The following SOCS2 variants were observed in gnomAD, a reference collection of about 807,000 sequenced individuals.
SOCS2 encodes the protein suppressor of cytokine signaling 2, also known as CIS-2.
A neutral mutation model predicts 18.6 loss-of-function variants in SOCS2; 10 were observed. That is an observed-to-expected ratio of 0.54 (90% CI 0.33 to 0.91). The LOEUF (loss-of-function observed/expected upper bound fraction) is 0.91. Among genes scored for constraint, SOCS2 ranks in the 40% least tolerant of loss-of-function variants. The pLI, the probability that SOCS2 is intolerant of heterozygous loss-of-function variation, is 0.02. For synonymous variants in SOCS2, 104 were observed against 104.0 expected (o/e 1.00, Z 0.00); for missense variants, 231 against 247.2 (o/e 0.93, Z 0.44).
the SOCS2 span, among the ~76,000 whole-genome samples, chr12:93,616,713 G>A: frequency 3.3e-5 from 5 of 152,110 alleles, no homozygotes; most frequent in Admixed American, 6.6e-5. Context: ...GACGTGCTCC[G>A]GGGACAAGTG....
the SOCS2 span, among the ~76,000 whole-genome samples, chr12:93,621,104 C>T: frequency 6.6e-6 from 1 of 152,046 alleles, no homozygotes; most frequent in Non-Finnish European, 1.5e-5. Context: ...TGAGCATATA[C>T]GTCCTCGTGA....
chr12:93,617,860 G>A, the SOCS2 span, among the ~76,000 whole-genome samples: 1 of 152,018 alleles, frequency 6.6e-6, no homozygotes, highest in African/African-American at 2.4e-5. Flanking sequence ...TAGTAACTCC[G>A]GCCTGGACAG....
the SOCS2 span, among the ~76,000 whole-genome samples, chr12:93,609,168 A>G: frequency 0.015 from 2,309 of 152,220 alleles, 72 homozygotes; most frequent in African/African-American, 0.053. Context: ...GAGGCAGGCA[A>G]ATCACCTGAG....
At chr12:93,614,476 TTCCTTTCC>T in the SOCS2 span, among the ~76,000 whole-genome samples, 107 of 77,486 alleles carry the variant, frequency 1.4e-3, 3 homozygotes, top group East Asian at 7.4e-3. Flanking sequence ...CCTTCCTTCC[TTCCTTTCC>T]TTCCTTCCTT....
chr12:93,578,773 A>T (rs1008179589), downstream of SOCS2, among the ~76,000 whole-genome samples: 3 of 152,072 alleles, frequency 2.0e-5, no homozygotes, highest in African/African-American at 7.2e-5. Context: ...TTTTAGTCTT[A>T]GGATTACTAT....
At position 93,574,864 on chromosome 12, in the gene SOCS2, T is replaced by C; in HGVS notation, c.282T>C (p.Asn94=). Residue 94 remains asparagine (N), a synonymous_variant, in exon 2 of 2, where the codon AAT becomes AAC. Coordinates refer to ENST00000551556, the MANE Select transcript of SOCS2 (RefSeq NM_001270471.2). The part of the protein sequence containing the change: ...ISVKTSAGPT[N]LRIEYQDGKF... ...TTAAAACATCAGCTGGACCAACTAA[T>C]CTTCGAATCGAATACCAAGACGGAA... The C allele has an allele frequency of 1.2e-6, 2 of 1,614,226 alleles. No homozygotes were observed. Among genetic ancestry groups the C allele is most frequent in the Non-Finnish European group, 1.7e-6 (2 of 1,180,040 alleles).
At chr12:93,571,063 G>T (rs1954233865), upstream of SOCS2, 1 of 154,344 alleles carries the variant, frequency 6.5e-6, no homozygotes, top group Admixed American at 6.5e-5. Flanking sequence ...TCTCGTCGCA[G>T]CCGCCGCGGC....
chr12:93,621,223 T>C, the SOCS2 span, among the ~76,000 whole-genome samples: 1 of 152,242 alleles, frequency 6.6e-6, no homozygotes, highest in Non-Finnish European at 1.5e-5. Flanking sequence ...TGACAACTTT[T>C]GTTAGTATTT....
the SOCS2 span, among the ~76,000 whole-genome samples, chr12:93,596,568 C>G: frequency 6.6e-6 from 1 of 152,190 alleles, no homozygotes; most frequent in Non-Finnish European, 1.5e-5. Flanking sequence ...TGACTCACAC[C>G]TGTAATCCCA....
the SOCS2 span, among the ~76,000 whole-genome samples, chr12:93,590,146 G>A: frequency 6.6e-6 from 1 of 151,976 alleles, no homozygotes; most frequent in Admixed American, 6.6e-5. Context: ...CAGCTACTCA[G>A]GAGGCTTGAA....
chr12:93,579,081 G>C (rs1954503918), downstream of SOCS2, among the ~76,000 whole-genome samples: 1 of 152,190 alleles, frequency 6.6e-6, no homozygotes. Flanking sequence ...CATCCATGCT[G>C]TTTGATGATC....
the SOCS2 span, among the ~76,000 whole-genome samples, chr12:93,597,883 C>G: frequency 6.6e-6 from 1 of 152,194 alleles, no homozygotes. Context: ...TTCTGTTTCA[C>G]TGCATAACTA....
chr12:93,600,299 C>CA, the SOCS2 span, among the ~76,000 whole-genome samples: 1 of 152,110 alleles, frequency 6.6e-6, no homozygotes, highest in African/African-American at 2.4e-5. Context: ...TTTCCATAAG[C>CA]ATGGGTCTGT....
the SOCS2 span, among the ~76,000 whole-genome samples, chr12:93,614,566 T>C: frequency 4.7e-5 from 3 of 63,630 alleles, no homozygotes; most frequent in African/African-American, 8.2e-5. Context: ...TTTCTTTCTT[T>C]CTTTCTTTCT....
downstream of SOCS2, among the ~76,000 whole-genome samples, chr12:93,587,466 G>A (rs1463511095): frequency 6.6e-6 from 1 of 152,114 alleles, no homozygotes; most frequent in Non-Finnish European, 1.5e-5. Context: ...CAGATCACGA[G>A]GTCAGGAGAT....
the SOCS2 span, among the ~76,000 whole-genome samples, chr12:93,610,697 A>C: frequency 2.0e-5 from 3 of 152,108 alleles, no homozygotes; most frequent in Non-Finnish European, 2.9e-5. Context: ...CTCTTTTGCC[A>C]TGTGAAGACA....
At chr12:93,592,087 C>T in the SOCS2 span, among the ~76,000 whole-genome samples, 2 of 152,112 alleles carry the variant, frequency 1.3e-5, no homozygotes, top group African/African-American at 4.8e-5. Flanking sequence ...GTCCAACTCC[C>T]GTCCCACTCC....
At chr12:93,622,122 T>C in the SOCS2 span, among the ~76,000 whole-genome samples, 1 of 152,204 alleles carries the variant, frequency 6.6e-6, no homozygotes, top group Admixed American at 6.5e-5. Context: ...TTTAAAACTC[T>C]GGAGTTTTAT....
At chr12:93,583,003 T>G (rs1954560463) in intron 1 of SOCS2, 3 of 151,042 alleles carry the variant, frequency 2.0e-5, no homozygotes, top group Admixed American at 1.3e-4. Flanking sequence ...GGGTTTTGTT[T>G]TTTTTTTTTT....
Sources: allele counts gnomAD v4.1 joint callset (sites outside exome capture counted in the v4.1 genomes callset), GRCh38; gene constraint gnomAD v4.1.1; transcripts MANE v1.5; gene names NCBI Gene and HGNC (gene_info 2026-07-23, HGNC 2026-07-21).